The following AVL9 variants were observed in gnomAD, a reference collection of about 807,000 sequenced individuals.
AVL9 encodes late secretory pathway protein AVL9 homolog.
In AVL9, 49 loss-of-function variants were observed where a neutral mutation model predicts 79.2. The observed-to-expected ratio is 0.62, with a 90% CI of 0.49 to 0.79. AVL9 has a LOEUF of 0.79. AVL9 is among the 30% of genes least tolerant of loss of function. The pLI is 0.00. For missense variants in AVL9, 682 were observed against 776.8 expected (o/e 0.88, Z 1.45); for synonymous variants, 299 against 280.6 (o/e 1.07, Z -0.65).
chr7:32,563,083 G>A (rs1170555889), intron 10 of AVL9, among the ~76,000 whole-genome samples: 1 of 152,160 alleles, frequency 6.6e-6, no homozygotes, highest in African/African-American at 2.4e-5. Flanking sequence ...CCAGGCTGGA[G>A]TACAGTGGCG....
At chr7:32,508,456 T>G (rs1787510789) in intron 1 of AVL9, among the ~76,000 whole-genome samples, 2 of 152,212 alleles carry the variant, frequency 1.3e-5, no homozygotes. Context: ...CACTCCAAAT[T>G]AGTATTTCAA....
chr7:32,517,811 G>GGT (rs755044568), intron 1 of AVL9, among the ~76,000 whole-genome samples: 1,859 of 128,636 alleles, frequency 0.014, 47 homozygotes, highest in African/African-American at 0.048. Flanking sequence ...TTGCTTGTGT[G>GGT]TTTTTTTTTT....
intron 1 of AVL9, among the ~76,000 whole-genome samples, chr7:32,520,063 T>C (rs1277637618): frequency 6.6e-6 from 1 of 152,116 alleles, no homozygotes; most frequent in Non-Finnish European, 1.5e-5. Flanking sequence ...CCCCTGACAT[T>C]GAGTATTATG....
chr7:32,543,811 T>C (rs531617144), intron 2 of AVL9, among the ~76,000 whole-genome samples: 15 of 152,360 alleles, frequency 9.8e-5, no homozygotes, highest in African/African-American at 3.6e-4. Context: ...CTGAGTACTT[T>C]GCCTGACTTA....
In AVL9 at chr7:32,573,188, A is replaced by T. The variant is rs777460281; in HGVS notation, c.1351-11A>T. On this transcript the variant is annotated splice_polypyrimidine_tract_variant and intron_variant, in intron 11 of 15. Coordinates refer to ENST00000318709, the MANE Select transcript of AVL9 (RefSeq NM_015060.3). Reference sequence around the variant, plus strand: ...TGCCCAGACTCTGACTTGTACCTGGATACCCTCTAGGTAGAAGAAGCTCTG... The same window carrying T: ...TGCCCAGACTCTGACTTGTACCTGGTTACCCTCTAGGTAGAAGAAGCTCTG... 6.2e-7 allele frequency: 1 copy of T among 1,612,316 alleles called. No individual in the cohort carries two copies. Among genetic ancestry groups the T allele is most frequent in the Non-Finnish European group, 8.5e-7 (1 of 1,178,750 alleles).
In AVL9 at chr7:32,516,784, G is replaced by T. The variant is rs1160754308; in HGVS notation, c.93+20982G>T. ...AGGCCTTTAAAAAAAAAAAAAAAAAGGTGGGAAACAATCTAAGAATGGGAA... is the reference window on the plus strand; with the variant it reads ...AGGCCTTTAAAAAAAAAAAAAAAAATGTGGGAAACAATCTAAGAATGGGAA... On this transcript the variant is annotated intron_variant, in intron 1 of 15. Transcript: ENST00000318709. 5.4e-5 allele frequency among the ~76,000 whole-genome samples: 6 copies of T among 110,444 alleles called. No homozygotes were observed. The East Asian group carries it at 1.8e-3, about 32-fold the overall frequency. The allele number at this position is 110,444 out of a possible 152,430, so 72.5% of individuals were successfully genotyped here. A position where few individuals can be genotyped will look rare whatever the true frequency, so the allele number is the denominator to read the frequency against.
At chr7:32,573,718 C>A (rs986924511) in intron 12 of AVL9, among the ~76,000 whole-genome samples, 1 of 152,078 alleles carries the variant, frequency 6.6e-6, no homozygotes. Flanking sequence ...CAACACATAC[C>A]AACATAACAT....
chr7:32,560,815 C>T (rs1790300221), intron 10 of AVL9, among the ~76,000 whole-genome samples: 1 of 152,162 alleles, frequency 6.6e-6, no homozygotes, highest in South Asian at 2.1e-4. Context: ...ATTTGAAAGT[C>T]AAAATGACTC....
chr7:32,539,249 CA>C (rs958005858), intron 1 of AVL9: 17 of 150,180 alleles, frequency 1.1e-4, no homozygotes, highest in Admixed American at 8.6e-4. Flanking sequence ...AACTCCATCT[CA>C]AAAAAAAAGA....
chr7:32,499,358 GT>G (rs10713441), intron 1 of AVL9, among the ~76,000 whole-genome samples: 145,523 of 147,944 alleles, frequency 0.98, 71,603 homozygotes, highest in Middle Eastern at 1. Flanking sequence ...CATTAACTCT[GT>G]TTTTTTTTTT....
At chr7:32,526,883 A>T (rs1474287527) in intron 1 of AVL9, among the ~76,000 whole-genome samples, 2 of 152,140 alleles carry the variant, frequency 1.3e-5, no homozygotes, top group Non-Finnish European at 2.9e-5. Flanking sequence ...AGGTTACCAC[A>T]CAGGAAAAAG....
At chr7:32,578,857 G>T (rs1244925020) in intron 13 of AVL9, among the ~76,000 whole-genome samples, 1 of 152,048 alleles carries the variant, frequency 6.6e-6, no homozygotes, top group Non-Finnish European at 1.5e-5. Context: ...GTGTCATTTA[G>T]AAATATTTCA....
chr7:32,567,838 C>T (rs1790651473), intron 10 of AVL9, among the ~76,000 whole-genome samples: 1 of 151,898 alleles, frequency 6.6e-6, no homozygotes, highest in Admixed American at 6.6e-5. Flanking sequence ...CTGCCTCAGC[C>T]TCTTGAGTAG....
intron 8 of AVL9, 25 bp from the exon 9 acceptor site, chr7:32,558,534 T>A (rs200503817): frequency 6.4e-7 from 1 of 1,563,964 alleles, no homozygotes; most frequent in East Asian, 2.2e-5. Context: ...GTCTTCTAAT[T>A]TGATTTTGAT....
Position 32,499,319 on chromosome 7 carries a change from T to C in AVL9, c.93+3517T>C, listed in dbSNP as rs1583475301. The stretch of plus-strand genomic sequence containing the variant: ...TTATACTTGTCGGACTACCAAAATT[T>C]TTTGCTAAGTAGCATCAAATATATA... On this transcript the variant is annotated intron_variant, in intron 1 of 15. Transcript: ENST00000318709. Among the ~76,000 whole-genome samples, 4 of 151,866 alleles carry C rather than the reference T, an allele frequency of 2.6e-5. No homozygotes were observed. In the East Asian group the frequency reaches 5.8e-4, roughly 22 times the overall value.
At chr7:32,561,852 G>A (rs1347062131) in intron 10 of AVL9, among the ~76,000 whole-genome samples, 1 of 152,156 alleles carries the variant, frequency 6.6e-6, no homozygotes, top group African/African-American at 2.4e-5. Context: ...TAAACACTTA[G>A]AGGCCATTGT....
chr7:32,540,151 G>A (rs1308650330), intron 1 of AVL9, among the ~76,000 whole-genome samples: 2 of 152,068 alleles, frequency 1.3e-5, no homozygotes, highest in African/African-American at 4.8e-5. Flanking sequence ...TTTAACAGCT[G>A]GACAAAACTG....
At chr7:32,574,309 G>A (rs149330021) in intron 12 of AVL9, among the ~76,000 whole-genome samples, 5 of 152,014 alleles carry the variant, frequency 3.3e-5, no homozygotes, top group African/African-American at 9.7e-5. Flanking sequence ...AGTAGGTTTC[G>A]GGAGAGTTTT....
In AVL9 at chr7:32,536,462, TATTC is replaced by T. The variant is rs1218059074; in HGVS notation, c.94-6677_94-6674del. 32 of 152,340 alleles carry T rather than the reference TATTC, an allele frequency of 2.1e-4. 1 individual carries two copies. The highest frequency in any genetic ancestry group is 7.8e-4 in the Admixed American group (12 of 15,306). 9.4% of individuals were successfully genotyped at this position (152,340 alleles called of 1,614,324 possible). A position where few individuals can be genotyped will look rare whatever the true frequency, so the allele number is the denominator to read the frequency against. On this transcript the variant is annotated intron_variant, in intron 1 of 15. Coordinates refer to ENST00000318709, the MANE Select transcript of AVL9 (RefSeq NM_015060.3). ...TTTGGATATATAGAAAGGGGACAGA[TATTC>T]AGTCAGTATTTAAAACATGAAAAAC... is the stretch of plus-strand genomic sequence containing the variant.
Sources: allele counts gnomAD v4.1 joint callset (sites outside exome capture counted in the v4.1 genomes callset), GRCh38; gene constraint gnomAD v4.1.1; transcripts MANE v1.5; gene names NCBI Gene and HGNC (gene_info 2026-07-23, HGNC 2026-07-21).